PREX1: variants seen among roughly 807,000 people sequenced by gnomAD.
PREX1 encodes phosphatidylinositol 3,4,5-trisphosphate-dependent Rac exchanger 1 protein.
Under a neutral mutation model 198.3 loss-of-function variants are expected in PREX1, and 41 were observed. The observed-to-expected ratio is 0.21, with a 90% CI of 0.16 to 0.27. The LOEUF is 0.27. Ranked by LOEUF, PREX1 falls within the 10% of genes least tolerant of loss-of-function variation. The pLI is 1.00. For missense variants in PREX1, 1,620 were observed against 2,200.7 expected, an observed-to-expected ratio of 0.74 and a Z score of 5.28; for synonymous variants, 843 against 887.2, an observed-to-expected ratio of 0.95 and a Z score of 0.89.
intron 6 of PREX1, 40 bp downstream of exon 6, chr20:48,708,220 C>A (rs968738401): frequency 1.2e-6 from 2 of 1,604,358 alleles, no homozygotes; most frequent in Non-Finnish European, 8.5e-7. Context: ...ACCTCCTGGC[C>A]CCCTGCGGCC....
At chr20:48,828,855 G>A (rs1223798982), upstream of PREX1, among the ~76,000 whole-genome samples, 1 of 152,212 alleles carries the variant, frequency 6.6e-6, no homozygotes, top group African/African-American at 2.4e-5. Flanking sequence ...GGGAAACCCA[G>A]CTTCTTGTCA....
rs771706627 is a variant in PREX1, at chr20:48,636,687, G to GGGA, written c.3947-5_3947-4insTCC. 1 of 1,596,066 alleles carries GGGA rather than the reference G, an allele frequency of 6.3e-7. No homozygotes were observed. The highest frequency in any genetic ancestry group is 8.5e-7 in the Non-Finnish European group (1 of 1,171,774). On this transcript the variant is annotated splice_region_variant and splice_polypyrimidine_tract_variant and intron_variant, in intron 31 of 39. Transcript: ENST00000371941. The stretch of plus-strand genomic sequence containing the variant: ...CTGCGCAGCTGCAGCTCCGTGTCTG[G>GGGA]GGGCAGAGGGCAGGAGGCCTTGCTG...
intron 1 of PREX1, among the ~76,000 whole-genome samples, chr20:48,808,354 TCATTAA>T: frequency 6.6e-6 from 1 of 152,236 alleles, no homozygotes; most frequent in African/African-American, 2.4e-5. Flanking sequence ...CGAGGTCACA[TCATTAA>T]CACCACTGTG....
Position 48,745,126 on chromosome 20 carries a change from C to T in PREX1, c.313G>A (p.Asp105Asn), listed in dbSNP as rs927380298. The change falls in exon 3 of 40, where the codon GAC becomes AAC. Residue 105 changes from aspartate to asparagine, a missense_variant. Coordinates refer to ENST00000371941, the MANE Select transcript of PREX1 (RefSeq NM_020820.4). ...NVKVLFSNIEDILEVHKDFLA... is the reference protein window; with the variant it reads ...NVKVLFSNIENILEVHKDFLA... ...AAATCCTTATGAACTTCCAGGATGT[C>T]TTCGATGTTCGAGAACAGGACCTGT... is the stretch of plus-strand genomic sequence containing the variant. 6.2e-7 allele frequency: 1 copy of T among 1,614,044 alleles called. No homozygotes were observed. The highest frequency in any genetic ancestry group is 8.5e-7 in the Non-Finnish European group (1 of 1,179,938).
the PREX1 span, among the ~76,000 whole-genome samples, chr20:48,886,432 G>T: frequency 6.6e-6 from 1 of 152,088 alleles, no homozygotes; most frequent in African/African-American, 2.4e-5. Context: ...CCAGGCGCTG[G>T]CCAGGCCACC....
At chr20:48,817,804 C>A (rs997161858) in intron 1 of PREX1, among the ~76,000 whole-genome samples, 23 of 152,200 alleles carry the variant, frequency 1.5e-4, no homozygotes, top group African/African-American at 5.5e-4. Flanking sequence ...CATATAGAAG[C>A]AATTTTTTTC....
chr20:48,679,780 G>T (rs377211463), intron 11 of PREX1, 26 bp from the exon 12 acceptor site: 21 of 1,559,494 alleles, frequency 1.3e-5, no homozygotes, highest in Non-Finnish European at 1.9e-5. Context: ...GACCTGTGAC[G>T]CTGGGCACGC....
intron 29 of PREX1, among the ~76,000 whole-genome samples, chr20:48,641,019 G>T (rs114234544): frequency 6.6e-6 from 1 of 151,878 alleles, no homozygotes; most frequent in East Asian, 1.9e-4. Flanking sequence ...ATGGATGAGT[G>T]GATGGATAGA....
At position 48,632,744 on chromosome 20, in the gene PREX1, AG is replaced by A. The variant is rs1434199061; in HGVS notation, c.4268-106del. 1.0e-4 allele frequency: 132 copies of A among 1,305,920 alleles called. 1 individual carries two copies. In the African/African-American group the frequency reaches 1.6e-3, roughly 16 times the overall value. The allele number at this position is 1,305,920 out of a possible 1,614,324, so 80.9% of individuals were successfully genotyped here. A position where few individuals can be genotyped will look rare whatever the true frequency, so the allele number is the denominator to read the frequency against. ...CTGGCACCTCCCTGCCCCCAGGTCCAGGGGGGCACCCTGGGACCTCCCTGTT... is the reference window on the plus strand; with the variant it reads ...CTGGCACCTCCCTGCCCCCAGGTCCAGGGGGCACCCTGGGACCTCCCTGTT... On this transcript the variant is annotated intron_variant, in intron 33 of 39. Transcript: ENST00000371941.
At chr20:48,858,726 G>T in the PREX1 span, among the ~76,000 whole-genome samples, 1 of 152,246 alleles carries the variant, frequency 6.6e-6, no homozygotes, top group Non-Finnish European at 1.5e-5. Flanking sequence ...CCCTTGTGAG[G>T]TTCTAACTCT....
intron 15 of PREX1, among the ~76,000 whole-genome samples, chr20:48,660,825 A>T (rs1230329611): frequency 6.6e-6 from 1 of 152,248 alleles, no homozygotes; most frequent in Non-Finnish European, 1.5e-5. Context: ...TGAACAGTCA[A>T]TTAACATAAG....
chr20:48,659,807 C>A, intron 16 of PREX1, 112 bp downstream of exon 16: 1 of 1,457,500 alleles, frequency 6.9e-7, no homozygotes. Context: ...TCCACCTATT[C>A]TGGTACTCCA....
chr20:48,826,613 T>C (rs527566915), intron 1 of PREX1, among the ~76,000 whole-genome samples: 107 of 152,280 alleles, frequency 7.0e-4, no homozygotes, highest in Non-Finnish European at 1.4e-3. Context: ...CCCTGCACTT[T>C]GGAGGCCGAG....
At chr20:48,633,973 C>A (rs73324995) in intron 33 of PREX1, among the ~76,000 whole-genome samples, 1 of 151,492 alleles carries the variant, frequency 6.6e-6, no homozygotes, top group South Asian at 2.1e-4. Context: ...GATGGATGGA[C>A]GGATGGATGA....
chr20:48,709,932 T>G (rs2089922955), intron 5 of PREX1, among the ~76,000 whole-genome samples: 1 of 152,222 alleles, frequency 6.6e-6, no homozygotes, highest in African/African-American at 2.4e-5. Context: ...TCCTATTTTC[T>G]GAAGACCAGG....
At chr20:48,668,754 T>C (rs2044924194) in intron 14 of PREX1, among the ~76,000 whole-genome samples, 1 of 152,000 alleles carries the variant, frequency 6.6e-6, no homozygotes, top group Non-Finnish European at 1.5e-5. Flanking sequence ...GGCCTGCGGG[T>C]TGGGAACCCT....
At chr20:48,637,439 G>A (rs571611707) in intron 31 of PREX1, among the ~76,000 whole-genome samples, 4 of 152,198 alleles carry the variant, frequency 2.6e-5, no homozygotes, top group South Asian at 4.1e-4. Context: ...AGGCTCTACC[G>A]GCACAAGGCC....
At chr20:48,828,609 A>T (rs1283652132), upstream of PREX1, among the ~76,000 whole-genome samples, 1 of 151,840 alleles carries the variant, frequency 6.6e-6, no homozygotes, top group Admixed American at 6.6e-5. Context: ...CGGTGCTACC[A>T]CGACCTTGGG....
At chr20:48,698,910 G>T (rs1279566665) in intron 7 of PREX1, among the ~76,000 whole-genome samples, 2 of 152,242 alleles carry the variant, frequency 1.3e-5, no homozygotes, top group Non-Finnish European at 2.9e-5. Flanking sequence ...TACGGATGAG[G>T]AAACTGAGGC....
Sources: gnomAD v4.1 joint callset for allele counts (sites outside exome capture counted in the v4.1 genomes callset) on GRCh38, gnomAD v4.1.1 for gene constraint, MANE v1.5 for transcripts, NCBI Gene and HGNC (gene_info 2026-07-23, HGNC 2026-07-21) for gene names.